Variants in CD37 observed in about 807,000 individuals in gnomAD.
CD37 encodes the protein CD37 molecule.
A neutral mutation model predicts 38.9 loss-of-function variants in CD37; 37 were observed. That is an observed-to-expected ratio of 0.95 (90% CI 0.73 to 1.25). CD37 has a LOEUF of 1.25. Among genes scored for constraint, CD37 ranks in the 50% most tolerant of loss-of-function variants. The pLI is 0.00. For synonymous variants in CD37, 146 were observed against 150.1 expected (o/e 0.97, Z 0.20); for missense variants, 351 against 360.1 (o/e 0.97, Z 0.20).
chr19:49,338,923 A>G lies in CD37; in HGVS notation c.671A>G (p.His224Arg), dbSNP rs746396215. The G allele has an allele frequency of 5.0e-6, 8 of 1,612,638 alleles. No individual in the cohort carries two copies. The South Asian group carries it at 8.8e-5, about 18-fold the overall frequency. Residue 224 changes from histidine to arginine, a missense_variant, in exon 6 of 8, where the codon CAC (histidine) becomes CGC (arginine). Physicochemically the swap from His to Arg is conservative, Grantham distance 29. Transcript: ENST00000323906. This position sits in a 1 kb window ranked among gnomAD's most constrained non-coding sequence, Gnocchi z 5.0. ...ATCTGCGCTGTCCCTGCAGAGAGCC[A>G]CATCTACCGCGAGGTGGGCAGGGGT... ...ADICAVPAESHIYREGCAQGL... is the reference protein window; with the variant it reads ...ADICAVPAESRIYREGCAQGL...
At chr19:49,340,114 TTTCTACCTATCCCC>T in intron 7 of CD37, 123 bp from the exon 8 acceptor site, 1 of 1,534,378 alleles carries the variant, frequency 6.5e-7, no homozygotes, top group Non-Finnish European at 8.8e-7. Flanking sequence ...GCCCCGCCCT[TTTCTACCTATCCCC>T]TTCTCCAGCC....
intron 4 of CD37, 47 bp from the exon 5 acceptor site, chr19:49,337,878 G>C: frequency 6.2e-7 from 1 of 1,611,120 alleles, no homozygotes; most frequent in Admixed American, 1.7e-5. Context: ...AGAGGGGGAG[G>C]GGTGGGGCGG....
rs354021 is a variant in CD37 at position 49,335,758 on chromosome 19, T to C, written c.114T>C (p.Ile38=). The change falls in exon 2 of 8, where the codon ATT becomes ATC. Residue 38 remains isoleucine (I), a synonymous_variant. Transcript: ENST00000323906. This position sits in a 1 kb window ranked among gnomAD's most constrained non-coding sequence, Gnocchi z 4.6. The stretch of plus-strand genomic sequence containing the variant: ...TCTGCTTCGGCATCTGGATCCTCAT[T>C]GACAAGACCAGCTTCGTGTCCTTTG... ...LIFCFGIWIL[I]DKTSFVSFVG... The C allele has an allele frequency of 0.77, 1,249,030 of 1,613,254 alleles. 485,970 individuals carry two copies. Among genetic ancestry groups the C allele is most frequent in the African/African-American group, 0.93 (69,906 of 74,986 alleles).
chr19:49,339,815 T>C lies in CD37; in HGVS notation c.768+402T>C, dbSNP rs2146229063. 7.4e-7 allele frequency: 1 copy of C among 1,344,518 alleles called. No individual in the cohort carries two copies. Among genetic ancestry groups the C allele is most frequent in the Non-Finnish European group, 9.6e-7 (1 of 1,045,612 alleles). The allele number at this position is 1,344,518 out of a possible 1,614,324, so 83.3% of individuals were successfully genotyped here. ...GGCAGTCTGTGGGGTGGCTGGGGCA[T>C]GGCGGGTGCCTGCCCCAACTGGGGA... On this transcript the variant is annotated intron_variant, in intron 7 of 7. Transcript: ENST00000323906. This position sits in a 1 kb window ranked among gnomAD's most constrained non-coding sequence, Gnocchi z 4.5.
chr19:49,340,043 T>A (rs1425022130), intron 7 of CD37: 1 of 1,496,428 alleles, frequency 6.7e-7, no homozygotes, highest in Non-Finnish European at 8.9e-7. Flanking sequence ...TCTCAGCCTC[T>A]ACCCCCACTT....
chr19:49,338,034 G>GC lies in CD37; in HGVS notation c.447+11dup, dbSNP rs1481859125. 1.2e-6 allele frequency: 2 copies of GC among 1,613,484 alleles called. No individual in the cohort carries two copies. The highest frequency in any genetic ancestry group is 2.2e-5 in the South Asian group (2 of 91,030). ...TGGGACTATGTGCAGTTCCAGGTAA[G>GC]CCCCCCTCCTCCAGTTCCCTCCCGG... On this transcript the variant is annotated splice_donor_region_variant and intron_variant, in intron 5 of 7. Coordinates refer to ENST00000323906, the MANE Select transcript of CD37 (RefSeq NM_001774.3). The surrounding 1 kb of genome is among the most constrained non-coding windows in gnomAD (Gnocchi z 5.0).
rs775543688 is a variant in CD37 at position 49,337,080 on chromosome 19, C to T, written c.267+47C>T. 10 of 1,613,844 alleles carry T rather than the reference C, an allele frequency of 6.2e-6. No individual in the cohort carries two copies. In the Admixed American group the frequency reaches 6.7e-5, roughly 11 times the overall value. On this transcript the variant is annotated intron_variant, in intron 3 of 7. Coordinates refer to ENST00000323906, the MANE Select transcript of CD37 (RefSeq NM_001774.3). ...GTCCCTAGGAACACTCCTATCCCCA[C>T]CCTCAAAAATGGCCTGGGCCGGGGT...
chr19:49,340,581 A>C lies in CD37; in HGVS notation c.*253A>C. 1 of 592,438 alleles carries C rather than the reference A, an allele frequency of 1.7e-6. No individual in the cohort carries two copies. 36.7% of individuals were successfully genotyped at this position (592,438 alleles called of 1,614,324 possible). On this transcript the variant is annotated 3_prime_UTR_variant, in exon 8 of 8. Transcript: ENST00000323906. ...AGATTATTTTTCACCCAAACCTCAA[A>C]TAAATCCCCTGCGTTTTTGGTAAAA...
rs1971188590 is a variant in CD37, at chr19:49,340,418, C to A, written c.*90C>A. 2.2e-6 allele frequency: 2 copies of A among 929,650 alleles called. No homozygotes were observed. The highest frequency in any genetic ancestry group is 3.5e-6 in the Non-Finnish European group (2 of 576,804). The allele number at this position is 929,650 out of a possible 1,614,324, so 57.6% of individuals were successfully genotyped here. ...GTAAATATTTGTTTAATCCCCAGTT[C>A]GCCTGGAGCCCTCCGCCTTCACATT... On this transcript the variant is annotated 3_prime_UTR_variant, in exon 8 of 8. Coordinates refer to ENST00000323906, the MANE Select transcript of CD37 (RefSeq NM_001774.3).
In CD37 at chr19:49,339,437, G is replaced by A. The variant is rs1466692835; in HGVS notation, c.768+24G>A. 2 of 1,604,112 alleles carry A rather than the reference G, an allele frequency of 1.2e-6. No homozygotes were observed. The highest frequency in any genetic ancestry group is 1.3e-5 in the African/African-American group (1 of 74,700). The stretch of plus-strand genomic sequence containing the variant: ...AGGTGATCTGGCCCCGCCCCCACCC[G>A]CGATCGGCCCTAAATCCCTAGATGG... On this transcript the variant is annotated intron_variant, in intron 7 of 7. Transcript: ENST00000323906. The surrounding 1 kb of genome is among the most constrained non-coding windows in gnomAD (Gnocchi z 4.5).
Position 49,339,894 on chromosome 19 carries a change from G to C in CD37, c.769-357G>C. The stretch of plus-strand genomic sequence containing the variant: ...TGGCCCTGGGGCTCTGGCCGCTGTG[G>C]GTTCAAGACGAGGACCAGCCTGACA... On this transcript the variant is annotated intron_variant, in intron 7 of 7. Transcript: ENST00000323906. The surrounding 1 kb of genome is among the most constrained non-coding windows in gnomAD (Gnocchi z 4.5). 1 of 1,345,352 alleles carries C rather than the reference G, an allele frequency of 7.4e-7. No homozygotes were observed. Among genetic ancestry groups the C allele is most frequent in the Non-Finnish European group, 9.6e-7 (1 of 1,043,170 alleles). The allele number at this position is 1,345,352 out of a possible 1,614,324, so 83.3% of individuals were successfully genotyped here. A position where few individuals can be genotyped will look rare whatever the true frequency, so the allele number is the denominator to read the frequency against.
intron 4 of CD37, 42 bp from the exon 5 acceptor site, chr19:49,337,883 G>T (rs562885841): frequency 6.2e-7 from 1 of 1,611,796 alleles, no homozygotes; most frequent in Admixed American, 1.7e-5. Context: ...GGGAGGGGTG[G>T]GGCGGGGAAG....
In CD37 at chr19:49,335,415, G is replaced by T; in HGVS notation, c.-126G>T. ...CCACCCCTGGAACTTCCTCTTTTGG[G>T]GTTCTTCCTTTCTCTCTCAGCTCTC... On this transcript the variant is annotated 5_prime_UTR_variant, in exon 1 of 8. Coordinates refer to ENST00000323906, the MANE Select transcript of CD37 (RefSeq NM_001774.3). The surrounding 1 kb of genome is among the most constrained non-coding windows in gnomAD (Gnocchi z 4.6). 1 of 749,872 alleles carries T rather than the reference G, an allele frequency of 1.3e-6. No individual in the cohort carries two copies. The allele number at this position is 749,872 out of a possible 1,614,324, so 46.5% of individuals were successfully genotyped here.
chr19:49,339,893 G>T lies in CD37; in HGVS notation c.769-358G>T. 1 of 1,345,012 alleles carries T rather than the reference G, an allele frequency of 7.4e-7. No homozygotes were observed. The allele number at this position is 1,345,012 out of a possible 1,614,324, so 83.3% of individuals were successfully genotyped here. On this transcript the variant is annotated intron_variant, in intron 7 of 7. Coordinates refer to ENST00000323906, the MANE Select transcript of CD37 (RefSeq NM_001774.3). This position sits in a 1 kb window ranked among gnomAD's most constrained non-coding sequence, Gnocchi z 4.5. The stretch of plus-strand genomic sequence containing the variant: ...ATGGCCCTGGGGCTCTGGCCGCTGT[G>T]GGTTCAAGACGAGGACCAGCCTGAC...
rs904481242 is a variant in CD37 at position 49,340,094 on chromosome 19, T to A, written c.769-157T>A. 32 of 1,531,508 alleles carry A rather than the reference T, an allele frequency of 2.1e-5. No homozygotes were observed. The Middle Eastern group carries it at 6.8e-4, about 32-fold the overall frequency. 94.9% of individuals were successfully genotyped at this position (1,531,508 alleles called of 1,614,324 possible). On this transcript the variant is annotated intron_variant, in intron 7 of 7. Transcript: ENST00000323906. ...GCCTCATCAGCCAGCCCTGCGGCAG[T>A]TCCCGTCGAGCCCCGCCCTTTTCTA...
At chr19:49,336,831 G>A (rs1166395301) in intron 2 of CD37, 78 bp from the exon 3 acceptor site, 19 of 1,540,640 alleles carry the variant, frequency 1.2e-5, no homozygotes, top group Non-Finnish European at 1.4e-5. Context: ...TCCCCACTTG[G>A]GTGGCTGCCT....
At chr19:49,337,893 GA>G (rs1971018676) in intron 4 of CD37, 31 bp from the exon 5 acceptor site, 3 of 1,613,236 alleles carry the variant, frequency 1.9e-6, no homozygotes, top group Non-Finnish European at 2.5e-6. Context: ...GGGCGGGGAA[GA>G]TAAGGCCCAG....
rs756539819 is a variant in CD37 at position 49,337,164 on chromosome 19, G to A, written c.285G>A (p.Leu95=). 4 of 1,614,170 alleles carry A rather than the reference G, an allele frequency of 2.5e-6. No homozygotes were observed. The highest frequency in any genetic ancestry group is 3.4e-6 in the Non-Finnish European group (4 of 1,180,026). The change falls in exon 4 of 8, where the codon CTG becomes CTA. Residue 95 remains leucine (L), a synonymous_variant. Transcript: ENST00000323906. The stretch of plus-strand genomic sequence containing the variant: ...CTCCCCAGTATTTTGGGATGCTGCT[G>A]CTCCTGTTTGCCACACAGATCACCC... The part of the protein sequence containing the change: ...CLLGLYFGML[L]LLFATQITLG...
chr19:49,340,210 C>A (rs1367402928), intron 7 of CD37, 41 bp from the exon 8 acceptor site: 1 of 1,567,838 alleles, frequency 6.4e-7, no homozygotes, highest in Non-Finnish European at 8.8e-7. Context: ...GTCTCGCCAG[C>A]ACCCCTTCGA....
Sources: gnomAD v4.1 joint callset for allele counts on GRCh38, gnomAD v4.1.1 for gene constraint, Gnocchi (gnomAD v3.1) non-coding constraint, MANE v1.5 for transcripts, NCBI Gene and HGNC (gene_info 2026-07-23, HGNC 2026-07-21) for gene names.